The following FAF1 variants were observed in gnomAD, a reference collection of about 807,000 sequenced individuals.
The protein encoded by FAF1 is FAS-associated factor 1.
In FAF1, 25 loss-of-function variants were observed where a neutral mutation model predicts 92.5. That is an observed-to-expected ratio of 0.27 (90% CI 0.20 to 0.38). The LOEUF is 0.38. FAF1 is among the 10% of genes least tolerant of loss of function. The pLI, the probability that FAF1 is intolerant of heterozygous loss-of-function variation, is 1.00. For synonymous variants in FAF1, 234 were observed against 273.2 expected (o/e 0.86, Z 1.42); for missense variants, 636 against 793.3 (o/e 0.80, Z 2.38).
chr1:50,572,696 G>A (rs1182635597), intron 12 of FAF1, among the ~76,000 whole-genome samples: 1 of 152,138 alleles, frequency 6.6e-6, no homozygotes, highest in Non-Finnish European at 1.5e-5. Context: ...TTTGTGCTTG[G>A]GTGGCATACA....
At chr1:50,859,700 T>G (rs1004430700) in intron 1 of FAF1, among the ~76,000 whole-genome samples, 1 of 152,010 alleles carries the variant, frequency 6.6e-6, no homozygotes, top group Non-Finnish European at 1.5e-5. Context: ...AGAGATTCAA[T>G]GCTATTCCTA....
intron 6 of FAF1, among the ~76,000 whole-genome samples, chr1:50,721,958 C>T (rs1278856934): frequency 6.6e-6 from 1 of 152,102 alleles, no homozygotes; most frequent in African/African-American, 2.4e-5. Context: ...TAAAACCTCA[C>T]AAATACTGAT....
At chr1:50,500,882 T>C (rs576761473) in intron 15 of FAF1, among the ~76,000 whole-genome samples, 24 of 152,144 alleles carry the variant, frequency 1.6e-4, no homozygotes, top group Non-Finnish European at 3.4e-4. Flanking sequence ...ACAGTAGACT[T>C]AAGAGTTATA....
chr1:50,869,193 C>CT (rs1644507142), intron 1 of FAF1, among the ~76,000 whole-genome samples: 1 of 152,118 alleles, frequency 6.6e-6, no homozygotes, highest in African/African-American at 2.4e-5. Flanking sequence ...TGTCATCTAG[C>CT]TTTTCAATAA....
At chr1:50,554,100 T>C (rs1382197118) in intron 13 of FAF1, among the ~76,000 whole-genome samples, 4 of 151,024 alleles carry the variant, frequency 2.6e-5, no homozygotes, top group African/African-American at 4.9e-5. Flanking sequence ...AAAAGGTCCA[T>C]GGACTTCCCT....
chr1:50,673,256 CA>C (rs1387262409), intron 7 of FAF1, among the ~76,000 whole-genome samples: 206 of 118,218 alleles, frequency 1.7e-3, no homozygotes, highest in South Asian at 5.8e-3. Flanking sequence ...GACTCTGTCT[CA>C]AAAAAAAAAA....
chr1:50,599,592 AATTT>A (rs149862204), intron 8 of FAF1, among the ~76,000 whole-genome samples: 2,478 of 152,314 alleles, frequency 0.016, 69 homozygotes, highest in African/African-American at 0.055. Flanking sequence ...TAAGTAATTT[AATTT>A]ATTTATTAAG....
At chr1:50,769,056 C>A (rs1407834568) in intron 4 of FAF1, among the ~76,000 whole-genome samples, 4 of 149,654 alleles carry the variant, frequency 2.7e-5, no homozygotes, top group Admixed American at 1.3e-4. Flanking sequence ...AAAAAAAAAA[C>A]AGGAGAGAAA....
At chr1:50,511,451 T>C (rs1647133020) in intron 15 of FAF1, among the ~76,000 whole-genome samples, 1 of 149,288 alleles carries the variant, frequency 6.7e-6, no homozygotes, top group Non-Finnish European at 1.5e-5. Flanking sequence ...CCTGTGTCCA[T>C]GTGTTCTCAT....
At chr1:50,451,217 A>C (rs751805377) in intron 18 of FAF1, among the ~76,000 whole-genome samples, 1 of 152,234 alleles carries the variant, frequency 6.6e-6, no homozygotes, top group Non-Finnish European at 1.5e-5. Context: ...AATTAAAGGA[A>C]GAACAAGGGG....
At chr1:50,955,646 A>G (rs1381286161) in intron 1 of FAF1, among the ~76,000 whole-genome samples, 1 of 152,218 alleles carries the variant, frequency 6.6e-6, no homozygotes, top group Non-Finnish European at 1.5e-5. Context: ...GTATATATGC[A>G]AAAGAATTGA....
intron 1 of FAF1, among the ~76,000 whole-genome samples, chr1:50,931,420 C>T (rs1417757588): frequency 6.6e-6 from 1 of 152,160 alleles, no homozygotes; most frequent in East Asian, 1.9e-4. Flanking sequence ...TTTAATTGGA[C>T]TTACAGTTCC....
At chr1:50,522,680 A>T (rs185373586) in intron 15 of FAF1, among the ~76,000 whole-genome samples, 10 of 152,326 alleles carry the variant, frequency 6.6e-5, no homozygotes, top group Admixed American at 3.9e-4. Context: ...TAACTTTTCC[A>T]ATTTCCAGCC....
chr1:50,915,912 C>CT lies in FAF1; in HGVS notation c.45+43854dup, dbSNP rs990914524. 1.3e-3 allele frequency among the ~76,000 whole-genome samples: 195 copies of CT among 151,330 alleles called. 1 individual carries two copies. The highest frequency in any genetic ancestry group is 1.7e-3 in the Non-Finnish European group (118 of 67,736). The stretch of plus-strand genomic sequence containing the variant: ...GGACAAGCAGGAACCTTTAAAAATC[C>CT]TTTTTTTTTCCCCTAAAGCTGAAAA... On this transcript the variant is annotated intron_variant, in intron 1 of 18. Coordinates refer to ENST00000396153, the MANE Select transcript of FAF1 (RefSeq NM_007051.3).
intron 8 of FAF1, among the ~76,000 whole-genome samples, chr1:50,636,554 C>A (rs749214829): frequency 6.6e-6 from 1 of 151,950 alleles, no homozygotes; most frequent in Non-Finnish European, 1.5e-5. Flanking sequence ...GGGGATTTCA[C>A]CATGTTGGCC....
intron 1 of FAF1, among the ~76,000 whole-genome samples, chr1:50,949,552 G>C (rs983889659): frequency 5.3e-5 from 8 of 152,164 alleles, no homozygotes; most frequent in African/African-American, 7.2e-5. Flanking sequence ...CTCCTAAAAG[G>C]AGCAGGGTAA....
chr1:50,684,315 T>C (rs1428369409), intron 7 of FAF1, among the ~76,000 whole-genome samples: 1 of 150,818 alleles, frequency 6.6e-6, no homozygotes, highest in Non-Finnish European at 1.5e-5. Flanking sequence ...CTACAGTCTA[T>C]GACAATGGAC....
intron 1 of FAF1, among the ~76,000 whole-genome samples, chr1:50,934,380 T>G (rs1040638337): frequency 1.3e-5 from 2 of 152,204 alleles, no homozygotes; most frequent in African/African-American, 4.8e-5. Flanking sequence ...TTATAATTTC[T>G]TATAATATGC....
At chr1:50,748,301 G>A (rs1308658961) in intron 4 of FAF1, among the ~76,000 whole-genome samples, 2 of 151,884 alleles carry the variant, frequency 1.3e-5, no homozygotes, top group Admixed American at 1.3e-4. Context: ...TTCGAGACCA[G>A]CCTGCCCAAC....
Sources: allele counts gnomAD v4.1 joint callset (sites outside exome capture counted in the v4.1 genomes callset), GRCh38; gene constraint gnomAD v4.1.1; transcripts MANE v1.5; gene names NCBI Gene and HGNC (gene_info 2026-07-23, HGNC 2026-07-21).